The following LIMCH1 variants were observed in gnomAD, a reference collection of about 807,000 sequenced individuals.
LIMCH1 encodes LIM and calponin homology domains-containing protein 1.
A neutral mutation model predicts 176.5 loss-of-function variants in LIMCH1; 113 were observed. The observed-to-expected ratio is 0.64, with a 90% CI of 0.55 to 0.75. The LOEUF (loss-of-function observed/expected upper bound fraction) is 0.75, where lower values mean the gene tolerates loss of function less well. Among genes scored for constraint, LIMCH1 ranks in the 30% least tolerant of loss-of-function variants. The probability of loss-of-function intolerance (pLI) is 0.00; values close to 1 mark genes in which losing one functional copy is unlikely to be tolerated. For missense variants in LIMCH1, 1,674 were observed against 1,814.9 expected (o/e 0.92, Z 1.41); for synonymous variants, 619 against 645.9 (o/e 0.96, Z 0.63).
At chr4:41,484,177 C>G (rs2069124648) in intron 1 of LIMCH1, among the ~76,000 whole-genome samples, 1 of 152,166 alleles carries the variant, frequency 6.6e-6, no homozygotes, top group Non-Finnish European at 1.5e-5. Flanking sequence ...TTGCTTCTTC[C>G]ATGCTCTTGT....
chr4:41,548,042 C>T lies in LIMCH1; in HGVS notation c.-241+9692C>T, dbSNP rs148199571. ...TAAATAGCATAGTAATAGTACCTAACTCATTAATTTGTGAGGAATAAAGGC... is the reference window on the plus strand; with the variant it reads ...TAAATAGCATAGTAATAGTACCTAATTCATTAATTTGTGAGGAATAAAGGC... On this transcript the variant is annotated intron_variant, in intron 1 of 31. Transcript: ENST00000503057. 5.4e-4 allele frequency among the ~76,000 whole-genome samples: 82 copies of T among 151,458 alleles called. 1 individual carries two copies. The highest frequency in any genetic ancestry group is 1.8e-3 in the African/African-American group (76 of 41,304).
At chr4:41,663,658 A>G (rs964512030) in intron 20 of LIMCH1, among the ~76,000 whole-genome samples, 5 of 152,066 alleles carry the variant, frequency 3.3e-5, no homozygotes, top group Admixed American at 6.6e-5. Flanking sequence ...TTTCAGGTAC[A>G]GAGTCTAAAA....
chr4:41,362,424 C>G (rs897653719), intron 1 of LIMCH1, among the ~76,000 whole-genome samples: 2 of 152,188 alleles, frequency 1.3e-5, no homozygotes, highest in African/African-American at 4.8e-5. Flanking sequence ...CCAGGATACA[C>G]AGGAAGCATT....
intron 14 of LIMCH1, among the ~76,000 whole-genome samples, chr4:41,639,760 T>A (rs1274404562): frequency 1.3e-5 from 2 of 152,220 alleles, no homozygotes; most frequent in Admixed American, 1.3e-4. Context: ...TCAAGTAATT[T>A]GTATTTGAAG....
At position 41,503,265 on chromosome 4, in the gene LIMCH1, C is replaced by T. The variant is rs564101217; in HGVS notation, c.167+8659C>T. Reference sequence around the variant, plus strand: ...GCCTGGTGCTCATCTCGGAATTAACCGAATGGCCAGGTCTGGATTTGCCCT... The same window carrying T: ...GCCTGGTGCTCATCTCGGAATTAACTGAATGGCCAGGTCTGGATTTGCCCT... On this transcript the variant is annotated intron_variant, in intron 2 of 26. Transcript: ENST00000313860. 3.9e-5 allele frequency among the ~76,000 whole-genome samples: 6 copies of T among 152,188 alleles called. No individual in the cohort carries two copies. In the South Asian group the frequency reaches 8.3e-4, roughly 21 times the overall value.
At chr4:41,446,027 C>T (rs1214573969) in intron 1 of LIMCH1, among the ~76,000 whole-genome samples, 4 of 152,312 alleles carry the variant, frequency 2.6e-5, no homozygotes, top group Middle Eastern at 3.4e-3. Context: ...TAAAGGATTA[C>T]GGTCTGAAGC....
At chr4:41,669,836 C>G (rs2094953623) in intron 21 of LIMCH1, among the ~76,000 whole-genome samples, 1 of 152,164 alleles carries the variant, frequency 6.6e-6, no homozygotes, top group Non-Finnish European at 1.5e-5. Context: ...AGCATCAAGT[C>G]CAATGAAACT....
chr4:41,487,236 T>G (rs2069764876), intron 1 of LIMCH1, among the ~76,000 whole-genome samples: 1 of 152,252 alleles, frequency 6.6e-6, no homozygotes, highest in Non-Finnish European at 1.5e-5. Flanking sequence ...TTCAGTGGCT[T>G]GGTCCTTATT....
intron 1 of LIMCH1, among the ~76,000 whole-genome samples, chr4:41,468,208 C>A (rs2066422060): frequency 6.6e-6 from 1 of 151,350 alleles, no homozygotes; most frequent in South Asian, 2.1e-4. Flanking sequence ...ACTGGCCGGC[C>A]TGCCTTTATT....
In LIMCH1 at chr4:41,430,894, T is replaced by C. The variant is rs149738788; in HGVS notation, c.97-63642T>C. Among the ~76,000 whole-genome samples, 309 of 152,098 alleles carry C rather than the reference T, an allele frequency of 2.0e-3. 1 individual carries two copies. The highest frequency in any genetic ancestry group is 6.7e-3 in the African/African-American group (277 of 41,352). ...CCAGTTGGTTTTCTGTTTTGTTTTT[T>C]TTTTCTATGTGTCTTTCAGTGCTGA... On this transcript the variant is annotated intron_variant, in intron 1 of 26. Coordinates refer to the LIMCH1 transcript ENST00000313860.
chr4:41,412,028 C>CA (rs2059540891), intron 1 of LIMCH1, among the ~76,000 whole-genome samples: 1 of 136,572 alleles, frequency 7.3e-6, no homozygotes, highest in Middle Eastern at 4.7e-3. Flanking sequence ...ACATGGATCA[C>CA]AGAGAATGTG....
chr4:41,551,846 G>A (rs1359569932), intron 1 of LIMCH1, among the ~76,000 whole-genome samples: 2 of 152,164 alleles, frequency 1.3e-5, no homozygotes, highest in South Asian at 2.1e-4. Context: ...AGCCTGAAAT[G>A]TGTACTATTT....
chr4:41,468,407 T>C (rs932534445), intron 1 of LIMCH1, among the ~76,000 whole-genome samples: 7 of 130,872 alleles, frequency 5.3e-5, no homozygotes, highest in African/African-American at 1.4e-4. Context: ...CCTCCCTTCC[T>C]TCCTTCCTTC....
In LIMCH1 at chr4:41,682,337, A is replaced by G; in HGVS notation, c.3722A>G (p.Lys1241Arg). Residue 1241 changes from lysine to arginine, a missense_variant, in exon 26 of 32, where the codon AAG becomes AGG. Around this residue, in one of 3 missense-constraint regions of LIMCH1, gnomAD observed 1,015 missense variants for 1,102.5 expected, o/e 0.92. Transcript: ENST00000503057. ...TTTCATTGTTTTTCTCCTTAGAATA[A>G]GATAGACCTGGGAAACTGTCAAGAT... ...SMTEGSGTMN[K>R]IDLGNCQDEK... 4 of 1,610,138 alleles carry G rather than the reference A, an allele frequency of 2.5e-6. No individual in the cohort carries two copies. The highest frequency in any genetic ancestry group is 3.4e-6 in the Non-Finnish European group (4 of 1,176,792).
chr4:41,419,158 ATT>A (rs2060212592), intron 1 of LIMCH1, among the ~76,000 whole-genome samples: 1 of 111,694 alleles, frequency 9.0e-6, no homozygotes, highest in Admixed American at 1.1e-4. Context: ...ATTTTATTTT[ATT>A]TTATTTCATT....
At chr4:41,687,793 G>A in intron 28 of LIMCH1, 47 bp from the exon 29 acceptor site, 1 of 1,182,696 alleles carries the variant, frequency 8.5e-7, no homozygotes, top group Non-Finnish European at 1.2e-6. Context: ...ATGGAGTTTG[G>A]CTTCTCTTTG....
intron 29 of LIMCH1, among the ~76,000 whole-genome samples, chr4:41,688,619 C>T (rs1722844488): frequency 6.6e-6 from 1 of 152,038 alleles, no homozygotes. Context: ...TGTGTAATTC[C>T]AAGAGTTTCT....
chr4:41,537,674 G>A (rs1378511594), upstream of LIMCH1, among the ~76,000 whole-genome samples: 2 of 151,880 alleles, frequency 1.3e-5, no homozygotes, highest in East Asian at 1.9e-4. Flanking sequence ...CAGCATTGTG[G>A]GATTAAATGA....
intron 1 of LIMCH1, among the ~76,000 whole-genome samples, chr4:41,369,939 A>AGTGTGTGTGTGTGTGTGTGTGTGTGTGT (rs113302113): frequency 0.024 from 3,250 of 138,174 alleles, 86 homozygotes; most frequent in African/African-American, 0.051. Context: ...CAGGAAGCAA[A>AGTGTGTGTGTGTGTGTGTGTGTGTGTGT]GTGTGTGTGT....
Sources: gnomAD v4.1 joint callset for allele counts (sites outside exome capture counted in the v4.1 genomes callset) on GRCh38, gnomAD v4.1.1 for gene constraint, gnomAD v4.1.1 regional missense constraint, MANE v1.5 for transcripts, NCBI Gene and HGNC (gene_info 2026-07-23, HGNC 2026-07-21) for gene names.